Variants in RNF169 observed in about 807,000 individuals in gnomAD.
RNF169 encodes the protein E3 ubiquitin-protein ligase RNF169.
In RNF169, 24 loss-of-function variants were observed where a neutral mutation model predicts 53.9. The ratio of observed to expected loss-of-function variants is 0.45; its 90% confidence interval spans 0.32 to 0.63. RNF169 has a LOEUF of 0.63. RNF169 is among the 20% of genes least tolerant of loss of function. The probability of loss-of-function intolerance (pLI) is 0.04; values close to 1 mark genes in which losing one functional copy is unlikely to be tolerated. For missense variants in RNF169, 883 were observed against 906.2 expected (o/e 0.97, Z 0.33); for synonymous variants, 396 against 363.5 (o/e 1.09, Z -1.02).
At chr11:74,788,688 G>T (rs899082895) in intron 1 of RNF169, among the ~76,000 whole-genome samples, 1 of 152,088 alleles carries the variant, frequency 6.6e-6, no homozygotes. Context: ...TGCCTGGCCT[G>T]ATCTATCTGT....
rs1474085626 is a variant in RNF169 at position 74,749,018 on chromosome 11, G to A, written c.138G>A (p.Ser46=). ...TGAPGPASGP[S]LLVLSPPLLQ... is the part of the protein sequence containing the mutation. ...CCCCAGGCCCGGCTTCTGGACCTTC[G>A]CTGTTGGTGTTGTCGCCGCCGTTGC... is the stretch of plus-strand genomic sequence containing the variant. The change falls in exon 1 of 6, where the codon TCG becomes TCA. Residue 46 remains serine (S), a synonymous_variant. Transcript: ENST00000299563. 9.4e-6 allele frequency: 14 copies of A among 1,489,878 alleles called. No individual in the cohort carries two copies. The highest frequency in any genetic ancestry group is 1.3e-5 in the Non-Finnish European group (14 of 1,116,742). 92.3% of individuals were successfully genotyped at this position (1,489,878 alleles called of 1,614,324 possible).
rs2036337252 is a variant in RNF169, at chr11:74,840,306, A to AG, written c.*3578dup. The stretch of plus-strand genomic sequence containing the variant: ...GGCTGGAGAGTTCATTTATGGTCTT[A>AG]GGAAAGCCATTTCTGGTCCCATTTA... On this transcript the variant is annotated 3_prime_UTR_variant, in exon 6 of 6. Transcript: ENST00000299563. The AG allele has an allele frequency of 6.6e-6, 1 of 152,222 alleles. No individual in the cohort carries two copies. Among genetic ancestry groups the AG allele is most frequent in the Admixed American group, 6.5e-5 (1 of 15,272 alleles). 9.4% of individuals were successfully genotyped at this position (152,222 alleles called of 1,614,324 possible). A position where few individuals can be genotyped will look rare whatever the true frequency, so the allele number is the denominator to read the frequency against.
At chr11:74,812,844 A>G (rs2035892091) in intron 3 of RNF169, among the ~76,000 whole-genome samples, 1 of 152,316 alleles carries the variant, frequency 6.6e-6, no homozygotes, top group South Asian at 2.1e-4. Context: ...GTGAAATTAA[A>G]TGAAGACTCT....
At chr11:74,783,999 T>G (rs1218627753) in intron 1 of RNF169, among the ~76,000 whole-genome samples, 1 of 152,152 alleles carries the variant, frequency 6.6e-6, no homozygotes, top group Admixed American at 6.5e-5. Flanking sequence ...AAGGGGGAGA[T>G]CTTCATTTTT....
intron 1 of RNF169, among the ~76,000 whole-genome samples, chr11:74,786,884 A>T (rs2035511484): frequency 6.6e-6 from 1 of 152,238 alleles, no homozygotes; most frequent in Non-Finnish European, 1.5e-5. Context: ...AACATTTTGT[A>T]CTAAATATCA....
intron 1 of RNF169, among the ~76,000 whole-genome samples, chr11:74,788,067 TA>T (rs913439047): frequency 1.3e-5 from 2 of 152,180 alleles, no homozygotes; most frequent in Admixed American, 1.3e-4. Context: ...CTGGCAAATT[TA>T]ATCAGAAAAG....
intron 4 of RNF169, among the ~76,000 whole-genome samples, chr11:74,827,415 C>T (rs764568893): frequency 1.0e-3 from 155 of 152,202 alleles, no homozygotes; most frequent in Non-Finnish European, 1.2e-3. Flanking sequence ...TCTGACATGC[C>T]GTGAAGACAT....
intron 1 of RNF169, among the ~76,000 whole-genome samples, chr11:74,763,674 GAAGAAA>G (rs1208313283): frequency 6.6e-6 from 1 of 151,804 alleles, no homozygotes; most frequent in Non-Finnish European, 1.5e-5. Context: ...GAAAGAAGGT[GAAGAAA>G]AAGGAAAAGG....
At position 74,836,232 on chromosome 11, in the gene RNF169, G is replaced by A. The variant is rs201197706; in HGVS notation, c.1629G>A (p.Leu543=). 4.6e-4 allele frequency: 735 copies of A among 1,614,060 alleles called. 1 individual carries two copies. Among genetic ancestry groups the A allele is most frequent in the Non-Finnish European group, 5.9e-4 (698 of 1,180,028 alleles). The change falls in exon 6 of 6, where the codon TTG becomes TTA. Residue 543 remains leucine, a synonymous_variant. Transcript: ENST00000299563. ...ELKGGGSGTS[L]EREQFEGLGS... is the part of the protein sequence containing the mutation. The stretch of plus-strand genomic sequence containing the variant: ...AAGGGGGAGGCAGTGGGACTTCTTT[G>A]GAGAGGGAGCAGTTTGAGGGGTTAG...
At chr11:74,770,523 C>G (rs1360029004) in intron 1 of RNF169, among the ~76,000 whole-genome samples, 1 of 152,210 alleles carries the variant, frequency 6.6e-6, no homozygotes, top group Non-Finnish European at 1.5e-5. Flanking sequence ...TGGTTACTGA[C>G]ATCTAAACAT....
chr11:74,796,254 T>C (rs945745147), intron 2 of RNF169, among the ~76,000 whole-genome samples: 4 of 152,242 alleles, frequency 2.6e-5, no homozygotes, highest in Non-Finnish European at 5.9e-5. Flanking sequence ...TGACATTTTA[T>C]GGTGTTTTTA....
At chr11:74,814,717 C>T (rs2035920758) in intron 3 of RNF169, among the ~76,000 whole-genome samples, 1 of 151,942 alleles carries the variant, frequency 6.6e-6, no homozygotes, top group Non-Finnish European at 1.5e-5. Context: ...AATAAAGAAT[C>T]CACATCATTA....
chr11:74,822,565 G>A (rs2135134814), intron 4 of RNF169, among the ~76,000 whole-genome samples: 2 of 152,328 alleles, frequency 1.3e-5, no homozygotes, highest in South Asian at 4.2e-4. Context: ...GAGTAAGTTA[G>A]ATCAGTATGC....
intron 4 of RNF169, chr11:74,832,319 G>A (rs1438530286): frequency 6.9e-6 from 1 of 145,044 alleles, no homozygotes; most frequent in Admixed American, 6.9e-5. Flanking sequence ...TTCATTGCAT[G>A]TTTGGTCACT....
chr11:74,814,149 C>G (rs1350271976), intron 3 of RNF169, among the ~76,000 whole-genome samples: 1 of 151,794 alleles, frequency 6.6e-6, no homozygotes, highest in Non-Finnish European at 1.5e-5. Context: ...GGCAAAACCC[C>G]TTCTCTAATA....
At chr11:74,770,586 T>C (rs4944950) in intron 1 of RNF169, among the ~76,000 whole-genome samples, 38,405 of 152,174 alleles carry the variant, frequency 0.25, 5,773 homozygotes, top group East Asian at 0.54. Flanking sequence ...AGTTCCTCCA[T>C]GAATAATGTA....
chr11:74,821,694 C>T lies in RNF169; in HGVS notation c.842+3980C>T, dbSNP rs796908201. The stretch of plus-strand genomic sequence containing the variant: ...AAAAAAAAAAAAAAGAATACAAGTG[C>T]GGGTCCAGAATAGGCAAATACGTAG... On this transcript the variant is annotated intron_variant, in intron 4 of 5. Transcript: ENST00000299563. Among the ~76,000 whole-genome samples, 5 of 146,910 alleles carry T rather than the reference C, an allele frequency of 3.4e-5. 1 individual carries two copies. Among genetic ancestry groups the T allele is most frequent in the Non-Finnish European group, 6.0e-5 (4 of 66,598 alleles).
At chr11:74,817,309 C>A (rs1160985504) in intron 3 of RNF169, among the ~76,000 whole-genome samples, 2 of 152,072 alleles carry the variant, frequency 1.3e-5, no homozygotes, top group Non-Finnish European at 2.9e-5. Context: ...TACCTAAAGC[C>A]ACTATCCAAA....
chr11:74,777,714 C>G (rs1374432870), intron 1 of RNF169, among the ~76,000 whole-genome samples: 1 of 151,840 alleles, frequency 6.6e-6, no homozygotes. Flanking sequence ...GTGGCACAAT[C>G]AAGGCTCACT....
Sources: gnomAD v4.1 joint callset for allele counts (sites outside exome capture counted in the v4.1 genomes callset) on GRCh38, gnomAD v4.1.1 for gene constraint, MANE v1.5 for transcripts, NCBI Gene and HGNC (gene_info 2026-07-23, HGNC 2026-07-21) for gene names.